IL34: variants seen among roughly 807,000 people sequenced by gnomAD.
The protein encoded by IL34 is interleukin-34.
Under a neutral mutation model 25.3 loss-of-function variants are expected in IL34, and 17 were observed. The ratio of observed to expected loss-of-function variants is 0.67; its 90% confidence interval spans 0.46 to 1.01. The LOEUF (loss-of-function observed/expected upper bound fraction) is 1.01. Ranked by LOEUF, IL34 falls within the 50% of genes least tolerant of loss-of-function variation. The pLI, the probability that IL34 is intolerant of heterozygous loss-of-function variation, is 0.00. For missense variants in IL34, 368 were observed against 312.9 expected, an observed-to-expected ratio of 1.18 and a Z score of -1.33; for synonymous variants, 174 against 140.9, an observed-to-expected ratio of 1.23 and a Z score of -1.66.
intron 1 of IL34, among the ~76,000 whole-genome samples, chr16:70,598,831 A>G (rs1018755455): frequency 6.6e-6 from 1 of 152,222 alleles, no homozygotes; most frequent in African/African-American, 2.4e-5. Flanking sequence ...CCTGCAGTCC[A>G]GGAGCAGTTC....
At chr16:70,631,829 C>T (rs1472116533) in intron 1 of IL34, among the ~76,000 whole-genome samples, 1 of 152,074 alleles carries the variant, frequency 6.6e-6, no homozygotes, top group African/African-American at 2.4e-5. Flanking sequence ...TACCTCATCC[C>T]TCTGGTCCTT....
upstream of IL34, among the ~76,000 whole-genome samples, chr16:70,644,360 C>T (rs77412645): frequency 1.3e-3 from 195 of 152,230 alleles, 7 homozygotes; most frequent in East Asian, 0.036. Context: ...GACACTGCAC[C>T]CAGCCAGATT....
intron 1 of IL34, among the ~76,000 whole-genome samples, chr16:70,631,813 A>G (rs567831199): frequency 3.3e-5 from 5 of 152,294 alleles, no homozygotes; most frequent in African/African-American, 1.2e-4. Context: ...GTAACCTCAG[A>G]CAAGTTACCT....
At chr16:70,641,519 C>CCCTT (rs1567459124) in intron 1 of IL34, among the ~76,000 whole-genome samples, 1 of 137,102 alleles carries the variant, frequency 7.3e-6, no homozygotes, top group Non-Finnish European at 1.5e-5. Flanking sequence ...CTCCCTCCCT[C>CCCTT]CCTTCCTCCC....
intron 1 of IL34, among the ~76,000 whole-genome samples, chr16:70,652,925 C>T (rs527939142): frequency 7.2e-5 from 11 of 152,128 alleles, no homozygotes; most frequent in South Asian, 2.1e-4. Context: ...GGTGTATGAC[C>T]GGGCATGGTG....
intron 1 of IL34, among the ~76,000 whole-genome samples, chr16:70,640,640 AAAGTT>A: frequency 6.6e-6 from 1 of 151,636 alleles, no homozygotes; most frequent in Non-Finnish European, 1.5e-5. Flanking sequence ...AAAAAAAAAA[AAAGTT>A]AGTTTTTAAA....
chr16:70,607,881 C>T (rs2051031253), intron 1 of IL34, among the ~76,000 whole-genome samples: 1 of 151,388 alleles, frequency 6.6e-6, no homozygotes, highest in Non-Finnish European at 1.5e-5. Context: ...TTTCCTCCTG[C>T]CTCAGCCTCC....
At chr16:70,639,948 A>G (rs974247216) in intron 1 of IL34, among the ~76,000 whole-genome samples, 2 of 150,976 alleles carry the variant, frequency 1.3e-5, no homozygotes, top group African/African-American at 4.9e-5. Flanking sequence ...ACAAAGGGAG[A>G]CCCTGTCTCC....
intron 1 of IL34, among the ~76,000 whole-genome samples, chr16:70,611,636 A>T (rs1048696939): frequency 3.3e-5 from 5 of 151,936 alleles, no homozygotes; most frequent in African/African-American, 1.2e-4. Context: ...CACAAAATTT[A>T]AAAAAGTTAC....
At chr16:70,584,931 C>A (rs1316348307) in intron 1 of IL34, among the ~76,000 whole-genome samples, 1 of 152,224 alleles carries the variant, frequency 6.6e-6, no homozygotes, top group South Asian at 2.1e-4. Flanking sequence ...GAACTCCTGA[C>A]CTCAGGCAAT....
chr16:70,643,534 C>G (rs528593094), upstream of IL34, among the ~76,000 whole-genome samples: 19 of 152,128 alleles, frequency 1.2e-4, no homozygotes, highest in Non-Finnish European at 2.6e-4. Flanking sequence ...CTACACCCAC[C>G]TAATTAAAAA....
Position 70,647,554 on chromosome 16 carries a change from G to A in IL34, c.28+579G>A, listed in dbSNP as rs2051970628. On this transcript the variant is annotated intron_variant, in intron 1 of 5. Transcript: ENST00000288098. ...GAAGCCTCTTATGCCTGCTGGCTGG[G>A]AGGCCAGACCAAGATCCCCTCAGTC... Among the ~76,000 whole-genome samples, 7 of 152,236 alleles carry A rather than the reference G, an allele frequency of 4.6e-5. No homozygotes were observed. In the South Asian group the frequency reaches 1.4e-3, roughly 31 times the overall value.
At chr16:70,622,856 A>C (rs1486747161) in intron 1 of IL34, among the ~76,000 whole-genome samples, 1 of 152,080 alleles carries the variant, frequency 6.6e-6, no homozygotes, top group Admixed American at 6.6e-5. Context: ...GGGCCTCTAA[A>C]AGTATTAATG....
chr16:70,637,704 A>G lies in IL34; in HGVS notation c.-400-8844A>G, dbSNP rs115015076. On this transcript the variant is annotated intron_variant, in intron 1 of 6. Coordinates refer to the IL34 transcript ENST00000429149. The stretch of plus-strand genomic sequence containing the variant: ...TGAGTTTAATTTTTTATATACATAT[A>G]TAAGGATGTCAGATAGTTTCCCCAG... 2.1e-3 allele frequency among the ~76,000 whole-genome samples: 314 copies of G among 152,334 alleles called. 1 individual carries two copies. The highest frequency in any genetic ancestry group is 7.1e-3 in the African/African-American group (294 of 41,578).
At chr16:70,628,679 G>T (rs1169915204) in intron 1 of IL34, among the ~76,000 whole-genome samples, 1 of 151,214 alleles carries the variant, frequency 6.6e-6, no homozygotes, top group Non-Finnish European at 1.5e-5. Context: ...TAGAGATGGG[G>T]TCTCACCATG....
chr16:70,626,960 C>G (rs1428818642), intron 1 of IL34, among the ~76,000 whole-genome samples: 8 of 152,030 alleles, frequency 5.3e-5, no homozygotes, highest in Non-Finnish European at 1.2e-4. Flanking sequence ...CAAGTTCCCA[C>G]TGTTTTGTTT....
At chr16:70,608,817 G>A (rs1362707458) in intron 1 of IL34, among the ~76,000 whole-genome samples, 1 of 152,090 alleles carries the variant, frequency 6.6e-6, no homozygotes, top group Non-Finnish European at 1.5e-5. Context: ...TCAGCCTCAC[G>A]CCTCAGTCTC....
intron 1 of IL34, among the ~76,000 whole-genome samples, chr16:70,608,272 G>A (rs183268712): frequency 2.8e-4 from 43 of 151,802 alleles, no homozygotes; most frequent in African/African-American, 1.0e-3. Flanking sequence ...GGGATTACAG[G>A]CATGCACCAC....
At chr16:70,631,232 A>G (rs1267179856) in intron 1 of IL34, among the ~76,000 whole-genome samples, 2 of 152,178 alleles carry the variant, frequency 1.3e-5, no homozygotes, top group African/African-American at 2.4e-5. Flanking sequence ...GACTGAGCCA[A>G]TAGCTACTGT....
Sources: gnomAD v4.1 joint callset for allele counts (sites outside exome capture counted in the v4.1 genomes callset) on GRCh38, gnomAD v4.1.1 for gene constraint, MANE v1.5 for transcripts, NCBI Gene and HGNC (gene_info 2026-07-23, HGNC 2026-07-21) for gene names.